The following FLII variants were observed in gnomAD, a reference collection of about 807,000 sequenced individuals.
FLII encodes protein flightless-1 homolog.
A neutral mutation model predicts 156.2 loss-of-function variants in FLII; 101 were observed. The observed-to-expected ratio is 0.65, with a 90% CI of 0.55 to 0.76. FLII has a LOEUF of 0.76. FLII is among the 30% of genes least tolerant of loss of function. The pLI, the probability that FLII is intolerant of heterozygous loss-of-function variation, is 0.00. For synonymous variants in FLII, 767 were observed against 685.8 expected, an observed-to-expected ratio of 1.12 and a Z score of -1.85; for missense variants, 1,675 against 1,682.8, an observed-to-expected ratio of 1.00 and a Z score of 0.08.
chr17:18,245,593 C>T lies in FLII; in HGVS notation c.3571G>A (p.Ala1191Thr). 2 of 1,613,932 alleles carry T rather than the reference C, an allele frequency of 1.2e-6. No homozygotes were observed. Among genetic ancestry groups the T allele is most frequent in the Middle Eastern group, 1.6e-4 (1 of 6,062 alleles). The stretch of plus-strand genomic sequence containing the variant: ...TCTAGCAACATGATGTCATCATCTG[C>T]CAGGTCATCTTGGCAAAAGTCGGAG... Reference protein sequence around the residue: ...KCSDFCQDDLADDDIMLLDNG... With the variant: ...KCSDFCQDDLTDDDIMLLDNG... The change falls in exon 28 of 30, where the codon GCA becomes ACA. Residue 1191 changes from alanine to threonine, a missense_variant. Around this residue, in one of 2 missense-constraint regions of FLII, gnomAD observed 1,332 missense variants for 1,269.3 expected, o/e 1.05. Transcript: ENST00000327031.
chr17:18,246,520 C>G (rs774789331), intron 23 of FLII, 58 bp from the exon 24 acceptor site: 1 of 1,612,036 alleles, frequency 6.2e-7, no homozygotes, highest in Non-Finnish European at 8.5e-7. Context: ...CCCTCGGGAG[C>G]CTAACCTTCG....
At chr17:18,249,032 A>G in intron 16 of FLII, 95 bp downstream of exon 16, 1 of 1,381,834 alleles carries the variant, frequency 7.2e-7, no homozygotes, top group South Asian at 1.2e-5. Context: ...AGGAATTGCT[A>G]GAGGGCCTCC....
intron 12 of FLII, 49 bp downstream of exon 12, chr17:18,251,631 C>T: frequency 1.2e-6 from 2 of 1,611,880 alleles, no homozygotes; most frequent in Non-Finnish European, 1.7e-6. Context: ...GGTCGGCCTT[C>T]AGCAGAAGCT....
intron 25 of FLII, 23 bp from the exon 26 acceptor site, chr17:18,246,085 G>A: frequency 1.9e-6 from 3 of 1,614,052 alleles, no homozygotes; most frequent in South Asian, 2.2e-5. Flanking sequence ...CAGGGGTGGG[G>A]GTGTTCGCAG....
Position 18,258,560 on chromosome 17 carries a change from G to A in FLII, c.63+68C>T. The A allele has an allele frequency of 1.3e-6, 2 of 1,522,148 alleles. No individual in the cohort carries two copies. The highest frequency in any genetic ancestry group is 5.1e-5 in the East Asian group (2 of 38,918). The allele number at this position is 1,522,148 out of a possible 1,614,324, so 94.3% of individuals were successfully genotyped here. The stretch of plus-strand genomic sequence containing the variant: ...CTGGAGCCGAGCGGGACAGGAAGCG[G>A]AGGCCAAGCGGGCCGGGCGGAAGAG... On this transcript the variant is annotated intron_variant, in intron 1 of 29. Coordinates refer to ENST00000327031, the MANE Select transcript of FLII (RefSeq NM_002018.4). This position sits in a 1 kb window ranked among gnomAD's most constrained non-coding sequence, Gnocchi z 4.2.
At position 18,249,592 on chromosome 17, in the gene FLII, C is replaced by G. The variant is rs142102154; in HGVS notation, c.1777-184G>C. Among the ~76,000 whole-genome samples the G allele has an allele frequency of 1.9e-3, 288 of 152,220 alleles. 1 individual carries two copies. The highest frequency in any genetic ancestry group is 6.8e-3 in the African/African-American group (284 of 41,522). ...ATCACCTGAGGTCAGGAGTTGGAGACCAGCCTGACCAACATGGAGAAACCC... is the reference window on the plus strand; with the variant it reads ...ATCACCTGAGGTCAGGAGTTGGAGAGCAGCCTGACCAACATGGAGAAACCC... On this transcript the variant is annotated intron_variant, in intron 14 of 29. Coordinates refer to ENST00000327031, the MANE Select transcript of FLII (RefSeq NM_002018.4).
At position 18,247,769 on chromosome 17, in the gene FLII, G is replaced by T. The variant is rs1318914247; in HGVS notation, c.2375C>A (p.Ser792Tyr). Residue 792 changes from serine (S) to tyrosine (Y), a missense_variant, in exon 20 of 30, where the codon TCC becomes TAC. Physicochemically the swap from Ser to Tyr is moderately radical, Grantham distance 144. Around this residue, in one of 2 missense-constraint regions of FLII, gnomAD observed 1,332 missense variants for 1,269.3 expected, o/e 1.05. Transcript: ENST00000327031. ...GGCGGCAGCGCGCACCAGGCGCGGG[G>T]ACTTGCGGCCGAGCCAGATGAACAC... ...SDVFIWLGRK[S>Y]PRLVRAAALK... The T allele has an allele frequency of 9.9e-6, 16 of 1,609,336 alleles. No homozygotes were observed. The highest frequency in any genetic ancestry group is 1.3e-5 in the African/African-American group (1 of 74,942).
intron 14 of FLII, among the ~76,000 whole-genome samples, chr17:18,250,168 G>A (rs900039976): frequency 3.9e-5 from 6 of 152,168 alleles, no homozygotes; most frequent in Admixed American, 1.3e-4. Context: ...ACGTCGGGGT[G>A]TTGGGATGTA....
rs369823949 is a variant in FLII, at chr17:18,245,705, G to A, written c.3503+39C>T. On this transcript the variant is annotated intron_variant, in intron 27 of 29. Coordinates refer to ENST00000327031, the MANE Select transcript of FLII (RefSeq NM_002018.4). Reference sequence around the variant, plus strand: ...GTGAGGCCAGAGGTCATAAGCAGCAGTGCCAGGACTGAGGGGAGGGTCAGG... The same window carrying A: ...GTGAGGCCAGAGGTCATAAGCAGCAATGCCAGGACTGAGGGGAGGGTCAGG... The A allele has an allele frequency of 6.0e-5, 96 of 1,611,586 alleles. No homozygotes were observed. In the African/African-American group the frequency reaches 1.1e-3, roughly 19 times the overall value.
intron 15 of FLII, 55 bp downstream of exon 15, chr17:18,249,271 C>T: frequency 6.2e-7 from 1 of 1,610,454 alleles, no homozygotes; most frequent in Admixed American, 1.7e-5. Flanking sequence ...CCCTCCCCTC[C>T]ACCCCTTGCC....
At chr17:18,256,491 A>C in intron 3 of FLII, 35 bp downstream of exon 3, 1 of 1,534,866 alleles carries the variant, frequency 6.5e-7, no homozygotes, top group Non-Finnish European at 8.8e-7. Context: ...CTTGGCCCCA[A>C]CCCCAAGCTC....
At position 18,253,288 on chromosome 17, in the gene FLII, C is replaced by T. The variant is rs751128559; in HGVS notation, c.1013+13G>A. 5.0e-6 allele frequency: 8 copies of T among 1,613,504 alleles called. No homozygotes were observed. The Admixed American group carries it at 1.0e-4, about 20-fold the overall frequency. ...CTGCAAGTGCCTCTGCTAGCCCCAG[C>T]CCTGCCCAGCACCTGCAGAGACTTT... On this transcript the variant is annotated intron_variant, in intron 9 of 29. Transcript: ENST00000327031.
At chr17:18,257,989 C>T (rs1053211155) in intron 1 of FLII, among the ~76,000 whole-genome samples, 1 of 152,226 alleles carries the variant, frequency 6.6e-6, no homozygotes, top group African/African-American at 2.4e-5. Flanking sequence ...GGGCTCCGGT[C>T]CCTTTTCTCT....
At position 18,247,771 on chromosome 17, in the gene FLII, C is replaced by T. The variant is rs1208215845; in HGVS notation, c.2373G>A (p.Lys791=). ...WSDVFIWLGR[K]SPRLVRAAAL... ...CGGCAGCGCGCACCAGGCGCGGGGA[C>T]TTGCGGCCGAGCCAGATGAACACGT... is the stretch of plus-strand genomic sequence containing the variant. Residue 791 remains lysine, a synonymous_variant, in exon 20 of 30, where the codon AAG becomes AAA. Coordinates refer to ENST00000327031, the MANE Select transcript of FLII (RefSeq NM_002018.4). The T allele has an allele frequency of 6.2e-7, 1 of 1,609,590 alleles. No individual in the cohort carries two copies. Among genetic ancestry groups the T allele is most frequent in the Non-Finnish European group, 8.5e-7 (1 of 1,179,954 alleles).
chr17:18,244,910 G>GT lies in FLII; in HGVS notation c.*227dup. 1 of 552,590 alleles carries GT rather than the reference G, an allele frequency of 1.8e-6. No homozygotes were observed. Among genetic ancestry groups the GT allele is most frequent in the Non-Finnish European group, 3.2e-6 (1 of 311,370 alleles). 34.2% of individuals were successfully genotyped at this position (552,590 alleles called of 1,614,324 possible). A position where few individuals can be genotyped will look rare whatever the true frequency, so the allele number is the denominator to read the frequency against. On this transcript the variant is annotated 3_prime_UTR_variant, in exon 30 of 30. Coordinates refer to ENST00000327031, the MANE Select transcript of FLII (RefSeq NM_002018.4). ...CATCTGCTTTATCCCTAGCGGAAGA[G>GT]TGAGGGGGCTTCACACGTGCACTCA... is the stretch of plus-strand genomic sequence containing the variant.
chr17:18,252,107 G>T lies in FLII; in HGVS notation c.1138C>A (p.Pro380Thr), dbSNP rs770451477. ...TCAGCGGCACGGTCTGCGGGCTTGG[G>T]CGGCATGACCAGGTTGGGGTTCTCC... is the stretch of plus-strand genomic sequence containing the variant. Reference protein sequence around the residue: ...VRENPNLVMPPKPADRAAEWY... With the variant: ...VRENPNLVMPTKPADRAAEWY... Residue 380 changes from proline to threonine, a missense_variant, in exon 11 of 30, where the codon CCC becomes ACC. Pro to Thr is a conservative substitution (Grantham distance 38). This residue lies in a region of FLII where 1,332 missense variants were observed against 1,269.3 expected (regional missense o/e 1.05). Coordinates refer to ENST00000327031, the MANE Select transcript of FLII (RefSeq NM_002018.4). The T allele has an allele frequency of 6.2e-7, 1 of 1,613,408 alleles. No homozygotes were observed. The highest frequency in any genetic ancestry group is 8.5e-7 in the Non-Finnish European group (1 of 1,180,034).
At chr17:18,255,653 C>G (rs1182045356) in intron 3 of FLII, among the ~76,000 whole-genome samples, 4 of 152,112 alleles carry the variant, frequency 2.6e-5, no homozygotes, top group Admixed American at 2.6e-4. Context: ...TCTGCTTTCT[C>G]TCCCTAACTT....
At chr17:18,250,440 C>T (rs2048224088) in intron 14 of FLII, among the ~76,000 whole-genome samples, 1 of 152,178 alleles carries the variant, frequency 6.6e-6, no homozygotes, top group African/African-American at 2.4e-5. Flanking sequence ...CCGCCCTTGG[C>T]CCCACCTCCT....
chr17:18,256,171 C>G (rs973695015), intron 3 of FLII, among the ~76,000 whole-genome samples: 10 of 152,256 alleles, frequency 6.6e-5, no homozygotes, highest in African/African-American at 1.9e-4. Flanking sequence ...CCAAGTTTCT[C>G]TTCTGCAACA....
Sources: gnomAD v4.1 joint callset for allele counts (sites outside exome capture counted in the v4.1 genomes callset) on GRCh38, gnomAD v4.1.1 for gene constraint, gnomAD v4.1.1 regional missense constraint, Gnocchi (gnomAD v3.1) non-coding constraint, MANE v1.5 for transcripts, NCBI Gene and HGNC (gene_info 2026-07-23, HGNC 2026-07-21) for gene names.